Variants in TRPC5 observed in about 807,000 individuals in gnomAD.
TRPC5 encodes the protein transient receptor potential cation channel subfamily C member 5, also known as short transient receptor potential channel 5.
TRPC5 carries 9 observed loss-of-function variants against 56.5 expected under a neutral mutation model. The ratio of observed to expected loss-of-function variants is 0.16; its 90% CI spans 0.10 to 0.28. The LOEUF (loss-of-function observed/expected upper bound fraction) is 0.28. Ranked by LOEUF, TRPC5 falls within the 10% of genes least tolerant of loss-of-function variation. The pLI is 1.00. For missense variants in TRPC5, 469 were observed against 748.9 expected, an observed-to-expected ratio of 0.63 and a Z score of 4.36; for synonymous variants, 282 against 278.5, an observed-to-expected ratio of 1.01 and a Z score of -0.13.
At chrX:111,927,253 TTGCCAAAATGTCCCCCTTGGGGACAA>T (rs776793286) in intron 2 of TRPC5, among the ~76,000 whole-genome samples, 16 of 112,239 alleles carry the variant, frequency 1.4e-4, no homozygotes, top group African/African-American at 3.2e-4. Context: ...TCTCTAGACA[TTGCCAAAATGTCCCCCTTGGGGACAA>T]TGCCAAAATG....
intron 1 of TRPC5, among the ~76,000 whole-genome samples, chrX:112,033,655 T>C (rs1929648948): frequency 9.0e-6 from 1 of 111,122 alleles, no homozygotes; most frequent in Admixed American, 9.5e-5. Context: ...CTTGTAAGAG[T>C]TTTATAGTTT....
intron 3 of TRPC5, among the ~76,000 whole-genome samples, chrX:111,860,966 C>T (rs1389429629): frequency 2.7e-5 from 3 of 109,494 alleles, no homozygotes; most frequent in African/African-American, 1.0e-4. Context: ...TGAAATAGAA[C>T]TTTAGATTAT....
chrX:111,806,358 T>C (rs961200971), intron 7 of TRPC5, among the ~76,000 whole-genome samples: 1 of 112,390 alleles, frequency 8.9e-6, no homozygotes, highest in Admixed American at 9.5e-5. Context: ...ACGTCTCATC[T>C]GAAGACTCAA....
chrX:111,964,167 C>A (rs1240819494), intron 1 of TRPC5, among the ~76,000 whole-genome samples: 2 of 111,746 alleles, frequency 1.8e-5, no homozygotes, highest in Non-Finnish European at 3.8e-5. Context: ...TCGAGAACTA[C>A]GTGAAGAATG....
intron 1 of TRPC5, among the ~76,000 whole-genome samples, chrX:112,036,753 CAACA>C (rs756023722): frequency 4.8e-4 from 53 of 111,323 alleles, no homozygotes; most frequent in African/African-American, 1.6e-3. Context: ...TCACTCTTAC[CAACA>C]AACAGTTATC....
At chrX:111,949,895 ACATATTTATTG>A (rs1461835076) in intron 2 of TRPC5, among the ~76,000 whole-genome samples, 1 of 112,030 alleles carries the variant, frequency 8.9e-6, no homozygotes, top group Non-Finnish European at 1.9e-5. Context: ...AATTGCACAC[ACATATTTATTG>A]CAGAACAATT....
chrX:111,865,185 T>G (rs1435133565), intron 3 of TRPC5, among the ~76,000 whole-genome samples: 2 of 108,299 alleles, frequency 1.8e-5, no homozygotes, highest in Admixed American at 1.0e-4. Flanking sequence ...CCAGGTAATT[T>G]TTGTGTTTTT....
chrX:111,777,825 C>A (rs1341854732), intron 10 of TRPC5, among the ~76,000 whole-genome samples: 1 of 112,713 alleles, frequency 8.9e-6, no homozygotes, highest in Non-Finnish European at 1.9e-5. Context: ...GCATCACTTC[C>A]ATTGGAAAGT....
chrX:111,975,325 AG>A (rs772578669), intron 1 of TRPC5, among the ~76,000 whole-genome samples: 9 of 93,098 alleles, frequency 9.7e-5, no homozygotes, highest in African/African-American at 4.8e-4. Flanking sequence ...TTCACTAAAT[AG>A]AAAAAAAAAA....
intron 7 of TRPC5, among the ~76,000 whole-genome samples, chrX:111,794,554 G>A (rs964107139): frequency 8.9e-6 from 1 of 111,753 alleles, no homozygotes; most frequent in Non-Finnish European, 1.9e-5. Flanking sequence ...TTTCTTTGCA[G>A]TGATTGTCAA....
intron 1 of TRPC5, among the ~76,000 whole-genome samples, chrX:112,016,709 C>T (rs1424516609): frequency 9.0e-6 from 1 of 111,681 alleles, no homozygotes; most frequent in East Asian, 2.8e-4. Context: ...GTGCATGCAC[C>T]CATGTGTGCA....
At chrX:112,053,820 C>T (rs1351543350) in intron 1 of TRPC5, among the ~76,000 whole-genome samples, 1 of 112,358 alleles carries the variant, frequency 8.9e-6, no homozygotes, top group Non-Finnish European at 1.9e-5. Flanking sequence ...GGGAGATAGA[C>T]ATGGAACCAG....
chrX:111,801,701 T>C (rs375485495), intron 7 of TRPC5, among the ~76,000 whole-genome samples: 3 of 112,141 alleles, frequency 2.7e-5, no homozygotes, highest in African/African-American at 9.7e-5. Flanking sequence ...TTTGGAGAAA[T>C]GTCATTTCAT....
At chrX:111,879,713 C>T (rs1275369415) in intron 3 of TRPC5, among the ~76,000 whole-genome samples, 2 of 112,407 alleles carry the variant, frequency 1.8e-5, no homozygotes, top group African/African-American at 3.2e-5. Flanking sequence ...CATGACAGCC[C>T]GAGATAGGCA....
At position 111,774,213 on chromosome X, in the gene TRPC5, G is replaced by A. The variant is rs771012416; in HGVS notation, c.*2100C>T. 12 of 111,989 alleles carry A rather than the reference G, an allele frequency of 1.1e-4. No individual in the cohort carries two copies. Among genetic ancestry groups the A allele is most frequent in the Admixed American group, 1.0e-3 (11 of 10,561 alleles). 9.2% of individuals were successfully genotyped at this position (111,989 alleles called of 1,213,427 possible). On this transcript the variant is annotated 3_prime_UTR_variant, in exon 11 of 11. Coordinates refer to ENST00000262839, the MANE Select transcript of TRPC5 (RefSeq NM_012471.3). ...AGCCTGTTTTCTGACAAGTTGATAA[G>A]GTCACTGCTAGAAAACTTATAAGTT...
chrX:111,886,294 T>G (rs1013445340), intron 3 of TRPC5, among the ~76,000 whole-genome samples: 2 of 112,126 alleles, frequency 1.8e-5, no homozygotes, highest in Non-Finnish European at 3.8e-5. Flanking sequence ...AATAAAATAA[T>G]GTTTTTTCTT....
In TRPC5 at chrX:111,924,621, A is replaced by C. The variant is rs150372624; in HGVS notation, c.379-11809T>G. On this transcript the variant is annotated intron_variant, in intron 2 of 10. Coordinates refer to ENST00000262839, the MANE Select transcript of TRPC5 (RefSeq NM_012471.3). ...TGCTGTTTGTTTGGTTGCTTTGTTC[A>C]TATGTAGCCATCTGACTGTAAGGTT... is the stretch of plus-strand genomic sequence containing the variant. Among the ~76,000 whole-genome samples the C allele has an allele frequency of 4.9e-3, 554 of 112,476 alleles. 6 individuals are homozygous for C. The highest frequency in any genetic ancestry group is 0.017 in the African/African-American group (518 of 31,036).
At chrX:111,827,976 C>A (rs1922291477) in intron 7 of TRPC5, among the ~76,000 whole-genome samples, 1 of 111,860 alleles carries the variant, frequency 8.9e-6, no homozygotes, top group South Asian at 3.8e-4. Context: ...GTCATACTGG[C>A]CTTCACAAGG....
chrX:111,917,656 C>T (rs193179573), intron 2 of TRPC5, among the ~76,000 whole-genome samples: 1 of 112,259 alleles, frequency 8.9e-6, no homozygotes, highest in Admixed American at 9.4e-5. Context: ...GATGTGAGAG[C>T]CTTCAGCCAG....
Sources: gnomAD v4.1 joint callset for allele counts (sites outside exome capture counted in the v4.1 genomes callset) on GRCh38, gnomAD v4.1.1 for gene constraint, MANE v1.5 for transcripts, NCBI Gene and HGNC (gene_info 2026-07-23, HGNC 2026-07-21) for gene names.